DCHS2: variants seen among roughly 807,000 people sequenced by gnomAD.
DCHS2 encodes dachsous cadherin-related 2.
In DCHS2, 142 loss-of-function variants were observed where a neutral mutation model predicts 182.4. The ratio of observed to expected loss-of-function variants is 0.78; its 90% confidence interval spans 0.68 to 0.89. The LOEUF is 0.89. DCHS2 is among the 40% of genes least tolerant of loss of function. DCHS2 has a pLI of 0.00. For synonymous variants in DCHS2, 1,740 were observed against 1,663.3 expected (o/e 1.05, Z -1.12); for missense variants, 4,319 against 4,198.6 (o/e 1.03, Z -0.79).
At chr4:154,472,878 A>G (rs1451473590) in intron 1 of DCHS2, among the ~76,000 whole-genome samples, 1 of 152,142 alleles carries the variant, frequency 6.6e-6, no homozygotes, top group Non-Finnish European at 1.5e-5. Flanking sequence ...CATTAGAATA[A>G]CATTTCAGTT....
chr4:154,388,002 A>G (rs141267499), intron 1 of DCHS2, among the ~76,000 whole-genome samples: 24 of 152,144 alleles, frequency 1.6e-4, no homozygotes, highest in African/African-American at 5.8e-4. Context: ...AGAAAGATGT[A>G]TTAAGTATAT....
chr4:154,419,685 A>G (rs1733021811), intron 1 of DCHS2, among the ~76,000 whole-genome samples: 1 of 146,984 alleles, frequency 6.8e-6, no homozygotes, highest in African/African-American at 2.5e-5. Context: ...GCTGGATGCC[A>G]TTACGAAGGA....
chr4:154,235,382 G>A lies in DCHS2; in HGVS notation c.9270C>T (p.Asn3090=). 1 of 1,614,024 alleles carries A rather than the reference G, an allele frequency of 6.2e-7. No individual in the cohort carries two copies. The highest frequency in any genetic ancestry group is 8.5e-7 in the Non-Finnish European group (1 of 1,179,968). ...KDIVNLYRHS[N]SSGHCSVEGE... The stretch of plus-strand genomic sequence containing the variant: ...CTTCCACAGAACAGTGGCCACTGGA[G>A]TTTGAGTGTCTGTACAGATTGACAA... The change falls in exon 20 of 20, where the codon AAC becomes AAT. Residue 3090 remains asparagine, a synonymous_variant. Transcript: ENST00000357232.
At position 154,321,074 on chromosome 4, in the gene DCHS2, C is replaced by T. The variant is rs374179853; in HGVS notation, c.4325G>A (p.Ser1442Asn). The T allele has an allele frequency of 3.7e-6, 6 of 1,609,670 alleles. No individual in the cohort carries two copies. In the African/African-American group the frequency reaches 6.7e-5, roughly 18 times the overall value. Residue 1442 changes from serine (S) to asparagine (N), a missense_variant, in exon 9 of 20, where the codon AGT becomes AAT. Ser to Asn is a conservative substitution (Grantham distance 46). Coordinates refer to ENST00000357232, the MANE Select transcript of DCHS2 (RefSeq NM_001358235.2). ...TCCATCCTTATCATCTGCAACAATA[C>T]TAAAATGTAACTTTCCATTATAATG... ...QQHYNGKLHF[S>N]IVADDKDGHF... is the part of the protein sequence containing the mutation.
rs1399841107 is a variant in DCHS2 at position 154,260,265 on chromosome 4, C to A, written c.6578-509G>T. 3.3e-5 allele frequency among the ~76,000 whole-genome samples: 5 copies of A among 152,274 alleles called. No individual in the cohort carries two copies. In the East Asian group the frequency reaches 5.8e-4, roughly 18 times the overall value. ...AGATTTGGGATCTTGCAGATGTTTG[C>A]AGGTTCAAATATGTAGAGAGAAAGA... On this transcript the variant is annotated intron_variant, in intron 14 of 19. Transcript: ENST00000357232.
Position 154,234,839 on chromosome 4 carries a change from C to A in DCHS2, c.9813G>T (p.Lys3271Asn). The A allele has an allele frequency of 6.2e-7, 1 of 1,614,032 alleles. No individual in the cohort carries two copies. Among genetic ancestry groups the A allele is most frequent in the Non-Finnish European group, 8.5e-7 (1 of 1,179,936 alleles). ...HLHMPGIPKE[K>N]KSFVFPPPLI... Reference sequence around the variant, plus strand: ...AAGGGGGTGGAAAAACAAAAGATTTCTTCTCTTTTGGAATGCCAGGCATAT... The same window carrying A: ...AAGGGGGTGGAAAAACAAAAGATTTATTCTCTTTTGGAATGCCAGGCATAT... Residue 3271 changes from lysine to asparagine, a missense_variant, in exon 20 of 20, where the codon AAG (lysine) becomes AAT (asparagine). By Grantham distance (94) the Lys-to-Asn change is moderately conservative. Coordinates refer to ENST00000357232, the MANE Select transcript of DCHS2 (RefSeq NM_001358235.2).
intron 1 of DCHS2, among the ~76,000 whole-genome samples, chr4:154,483,803 A>G (rs1736013678): frequency 6.6e-6 from 1 of 152,104 alleles, no homozygotes; most frequent in African/African-American, 2.4e-5. Context: ...CTGCCCCCCA[A>G]CATCATATGA....
chr4:154,278,692 A>G (rs1166750322), intron 13 of DCHS2, among the ~76,000 whole-genome samples: 1 of 152,084 alleles, frequency 6.6e-6, no homozygotes, highest in African/African-American at 2.4e-5. Context: ...TGGATTTCTC[A>G]GCAGAGACAG....
At position 154,465,432 on chromosome 4, in the gene DCHS2, A is replaced by G. The variant is rs183165379; in HGVS notation, c.2052+23872T>C. On this transcript the variant is annotated intron_variant, in intron 1 of 19. Transcript: ENST00000357232. ...GTCTGTAATCCTAGCAGTTTGGGAG[A>G]CCAAGGCGGGTGGGTCACCTGAGGT... Among the ~76,000 whole-genome samples, 600 of 152,222 alleles carry G rather than the reference A, an allele frequency of 3.9e-3. 4 individuals are homozygous for G. Among genetic ancestry groups the G allele is most frequent in the Non-Finnish European group, 6.6e-3 (451 of 68,000 alleles).
At chr4:154,449,600 TGG>T (rs1052004680) in intron 1 of DCHS2, among the ~76,000 whole-genome samples, 14 of 152,176 alleles carry the variant, frequency 9.2e-5, no homozygotes, top group African/African-American at 3.4e-4. Context: ...CTCGAACTCC[TGG>T]GCTCGAGCAA....
chr4:154,248,128 A>G (rs7659648), intron 16 of DCHS2, among the ~76,000 whole-genome samples: 138,744 of 152,216 alleles, frequency 0.91, 63,612 homozygotes, highest in East Asian at 1. Context: ...CATTCAGTGC[A>G]TAGATATAGC....
intron 1 of DCHS2, among the ~76,000 whole-genome samples, chr4:154,434,205 G>C (rs1030775984): frequency 6.6e-6 from 1 of 152,202 alleles, no homozygotes. Context: ...AGGCTGAGGG[G>C]AGATGATTGC....
intron 14 of DCHS2, among the ~76,000 whole-genome samples, chr4:154,267,930 G>T (rs1411830557): frequency 6.6e-6 from 1 of 152,162 alleles, no homozygotes; most frequent in Admixed American, 6.5e-5. Flanking sequence ...CCTTGCTGAA[G>T]CCTTCATAGA....
chr4:154,244,275 A>G (rs2111114681), intron 16 of DCHS2, among the ~76,000 whole-genome samples: 1 of 152,340 alleles, frequency 6.6e-6, no homozygotes, highest in South Asian at 2.1e-4. Flanking sequence ...TTATACATAC[A>G]TTATATGACA....
intron 3 of DCHS2, among the ~76,000 whole-genome samples, chr4:154,361,957 A>G (rs1288918893): frequency 6.6e-6 from 1 of 152,218 alleles, no homozygotes; most frequent in Non-Finnish European, 1.5e-5. Flanking sequence ...GAAAGAATGA[A>G]TGAACCAGTG....
At chr4:154,271,168 T>C (rs1200181045) in intron 13 of DCHS2, among the ~76,000 whole-genome samples, 2 of 151,976 alleles carry the variant, frequency 1.3e-5, no homozygotes, top group Non-Finnish European at 2.9e-5. Context: ...TAAATTTAAA[T>C]AGGAAGTATA....
At chr4:154,278,477 A>C (rs187077982) in intron 13 of DCHS2, among the ~76,000 whole-genome samples, 12 of 152,256 alleles carry the variant, frequency 7.9e-5, no homozygotes, top group Non-Finnish European at 1.6e-4. Context: ...ATGGCAAAAA[A>C]GTCCCCAAAT....
intron 1 of DCHS2, chr4:154,384,431 C>A: frequency 6.2e-7 from 1 of 1,612,182 alleles, no homozygotes; most frequent in South Asian, 1.1e-5. Flanking sequence ...CACCCCAGAG[C>A]TCAGTCTCGG....
chr4:154,414,190 T>TAG lies in DCHS2; in HGVS notation c.2053-36747_2053-36746insCT, dbSNP rs10660883. Among the ~76,000 whole-genome samples the TAG allele has an allele frequency of 2.4e-3, 337 of 138,062 alleles. 2 individuals are homozygous for TAG. The highest frequency in any genetic ancestry group is 9.6e-3 in the African/African-American group (309 of 32,356). The allele number at this position is 138,062 out of a possible 152,430, so 90.6% of individuals were successfully genotyped here. ...ATCAAATAAATCAATTATATATATA[T>TAG]ATATATAGAGAGAGAGAGATATAGA... On this transcript the variant is annotated intron_variant, in intron 1 of 19. Coordinates refer to ENST00000357232, the MANE Select transcript of DCHS2 (RefSeq NM_001358235.2).
Sources: allele counts gnomAD v4.1 joint callset (sites outside exome capture counted in the v4.1 genomes callset), GRCh38; gene constraint gnomAD v4.1.1; transcripts MANE v1.5; gene names NCBI Gene and HGNC (gene_info 2026-07-23, HGNC 2026-07-21).